SPIN1: variants seen among roughly 807,000 people sequenced by gnomAD.
SPIN1 encodes the protein spindlin-1.
In SPIN1, 3 loss-of-function variants were observed where a neutral mutation model predicts 26.0. The observed-to-expected ratio is 0.12, with a 90% CI of 0.05 to 0.30. The LOEUF is 0.30. Ranked by LOEUF, SPIN1 falls within the 10% of genes least tolerant of loss-of-function variation. The pLI, the probability that SPIN1 is intolerant of heterozygous loss-of-function variation, is 1.00. For synonymous variants in SPIN1, 101 were observed against 116.5 expected, an observed-to-expected ratio of 0.87 and a Z score of 0.86; for missense variants, 126 against 333.4, an observed-to-expected ratio of 0.38 and a Z score of 4.84.
At chr9:88,413,606 T>A (rs894546328) in intron 1 of SPIN1, among the ~76,000 whole-genome samples, 1 of 152,020 alleles carries the variant, frequency 6.6e-6, no homozygotes, top group Admixed American at 6.6e-5. Flanking sequence ...CTCAGACTCC[T>A]GACCTCAAGC....
At chr9:88,397,139 G>A (rs1273776545) in intron 1 of SPIN1, among the ~76,000 whole-genome samples, 1 of 151,876 alleles carries the variant, frequency 6.6e-6, no homozygotes, top group South Asian at 2.1e-4. Context: ...TTTATAAAAA[G>A]TTTCTTCAGT....
In SPIN1 at chr9:88,471,015, TCA is replaced by T. The variant is rs1828772363; in HGVS notation, c.589+2411_589+2412del. Among the ~76,000 whole-genome samples, 107 of 152,362 alleles carry T rather than the reference TCA, an allele frequency of 7.0e-4. 1 individual carries two copies. In the South Asian group the frequency reaches 0.022, roughly 31 times the overall value. On this transcript the variant is annotated intron_variant, in intron 5 of 5. Coordinates refer to ENST00000375859, the MANE Select transcript of SPIN1 (RefSeq NM_006717.3). ...CAATTTTTTAAATACAAGACCTTTATCAGATATATGTTGCAAATGTTTTCTCC... is the reference window on the plus strand; with the variant it reads ...CAATTTTTTAAATACAAGACCTTTATGATATATGTTGCAAATGTTTTCTCC...
chr9:88,423,109 A>C (rs1335812376), intron 1 of SPIN1, among the ~76,000 whole-genome samples: 1 of 152,166 alleles, frequency 6.6e-6, no homozygotes, highest in Non-Finnish European at 1.5e-5. Flanking sequence ...TCCTGTCTTA[A>C]ATTTTTAGTT....
intron 3 of SPIN1, among the ~76,000 whole-genome samples, chr9:88,458,273 T>A (rs1828510239): frequency 6.6e-6 from 1 of 152,190 alleles, no homozygotes; most frequent in African/African-American, 2.4e-5. Flanking sequence ...AAATGTTAAG[T>A]ATGAGACTCA....
intron 2 of SPIN1, among the ~76,000 whole-genome samples, chr9:88,431,134 C>T (rs1407668766): frequency 1.3e-5 from 2 of 152,152 alleles, no homozygotes; most frequent in Non-Finnish European, 1.5e-5. Context: ...ATCTGCCCGC[C>T]TCGGCCTCCC....
intron 1 of SPIN1, among the ~76,000 whole-genome samples, chr9:88,407,935 G>A (rs1827344492): frequency 6.6e-6 from 1 of 151,564 alleles, no homozygotes; most frequent in Admixed American, 6.6e-5. Flanking sequence ...GCTATTTTTT[G>A]TGGTTTTTGT....
chr9:88,444,695 T>TTC (rs1554695793), intron 2 of SPIN1, among the ~76,000 whole-genome samples: 6 of 146,936 alleles, frequency 4.1e-5, no homozygotes, highest in Non-Finnish European at 6.0e-5. Context: ...TCTTTTCTTT[T>TTC]TTTTTTTTTT....
chr9:88,448,820 T>G, intron 2 of SPIN1, 121 bp from the exon 3 acceptor site: 1 of 738,510 alleles, frequency 1.4e-6, no homozygotes, highest in Non-Finnish European at 2.2e-6. Context: ...ACATGTTTGC[T>G]GGTAGTGGTG....
chr9:88,475,043 CTCTCTTT>C, intron 5 of SPIN1, 28 bp from the exon 6 acceptor site: 1 of 1,320,672 alleles, frequency 7.6e-7, no homozygotes, highest in Non-Finnish European at 9.9e-7. Context: ...TTTTCTCTCT[CTCTCTTT>C]TTTTTTTTTT....
chr9:88,428,274 T>C (rs1489611945), intron 2 of SPIN1, among the ~76,000 whole-genome samples: 1 of 152,244 alleles, frequency 6.6e-6, no homozygotes, highest in African/African-American at 2.4e-5. Context: ...CTATTGATGC[T>C]GTCACCCAGA....
At position 88,389,216 on chromosome 9, in the gene SPIN1, C is replaced by T. The variant is rs1345592406; in HGVS notation, c.-159+678C>T. Among the ~76,000 whole-genome samples, 4 of 152,178 alleles carry T rather than the reference C, an allele frequency of 2.6e-5. 1 individual carries two copies. Among genetic ancestry groups the T allele is most frequent in the African/African-American group, 9.6e-5 (4 of 41,460 alleles). ...GATGCGCCGTCTCTTCGCCGCCCTC[C>T]GTGGGGGCGCGGCGAACGGGTTGCG... On this transcript the variant is annotated intron_variant, in intron 1 of 5. Transcript: ENST00000375859.
chr9:88,446,002 A>G (rs1487341183), intron 2 of SPIN1, among the ~76,000 whole-genome samples: 1 of 151,496 alleles, frequency 6.6e-6, no homozygotes, highest in African/African-American at 2.4e-5. Flanking sequence ...TAATTTTTCT[A>G]TTATTTTGAT....
chr9:88,408,959 G>A (rs1281693543), intron 1 of SPIN1, among the ~76,000 whole-genome samples: 2 of 148,620 alleles, frequency 1.3e-5, no homozygotes, highest in Non-Finnish European at 3.0e-5. Flanking sequence ...ACAGCGCCCG[G>A]CCCTTTTGTG....
intron 2 of SPIN1, among the ~76,000 whole-genome samples, chr9:88,432,658 T>C (rs1345629817): frequency 6.6e-6 from 1 of 151,500 alleles, no homozygotes; most frequent in East Asian, 2.0e-4. Flanking sequence ...TAATTTTTTC[T>C]TTTTTCTTTC....
chr9:88,441,414 T>TGTGTGTGTGTGTGTGC, intron 2 of SPIN1, among the ~76,000 whole-genome samples: 7 of 141,270 alleles, frequency 5.0e-5, no homozygotes, highest in African/African-American at 1.7e-4. Context: ...TGTGTGTGTG[T>TGTGTGTGTGTGTGTGC]GCGCGCGCGC....
At chr9:88,470,592 GC>G (rs1216781847) in intron 5 of SPIN1, among the ~76,000 whole-genome samples, 89 of 127,454 alleles carry the variant, frequency 7.0e-4, no homozygotes, top group Non-Finnish European at 9.6e-4. Context: ...ATGCTTATTG[GC>G]CCCCCCCCTT....
At chr9:88,474,773 A>G (rs749299679) in intron 5 of SPIN1, among the ~76,000 whole-genome samples, 6 of 152,218 alleles carry the variant, frequency 3.9e-5, no homozygotes, top group Non-Finnish European at 7.3e-5. Flanking sequence ...AAACTATGAA[A>G]AAAAGTTTTA....
intron 1 of SPIN1, among the ~76,000 whole-genome samples, chr9:88,401,525 C>G (rs1231724309): frequency 6.6e-6 from 1 of 152,158 alleles, no homozygotes; most frequent in East Asian, 1.9e-4. Flanking sequence ...CTATGCATAT[C>G]TTTCTGTATA....
At chr9:88,395,813 C>T (rs1024234172) in intron 1 of SPIN1, among the ~76,000 whole-genome samples, 6 of 151,876 alleles carry the variant, frequency 4.0e-5, no homozygotes, top group African/African-American at 1.4e-4. Context: ...CTTTGGGAGG[C>T]TGAGGTGGGC....
Sources: gnomAD v4.1 joint callset for allele counts (sites outside exome capture counted in the v4.1 genomes callset) on GRCh38, gnomAD v4.1.1 for gene constraint, MANE v1.5 for transcripts, NCBI Gene and HGNC (gene_info 2026-07-23, HGNC 2026-07-21) for gene names.